Variants in PIK3C3 observed in about 807,000 individuals in gnomAD.
PIK3C3 encodes PI3-kinase type 3.
A neutral mutation model predicts 126.1 loss-of-function variants in PIK3C3; 95 were observed. That is an observed-to-expected ratio of 0.75 (90% CI 0.64 to 0.89). The LOEUF (loss-of-function observed/expected upper bound fraction) is 0.89. Ranked by LOEUF, PIK3C3 falls within the 40% of genes least tolerant of loss-of-function variation. The pLI is 0.00. For synonymous variants in PIK3C3, 374 were observed against 360.0 expected (o/e 1.04, Z -0.44); for missense variants, 829 against 1,063.2 (o/e 0.78, Z 3.06).
At chr18:41,968,722 C>A (rs1568113841) in intron 3 of PIK3C3, among the ~76,000 whole-genome samples, 1 of 152,040 alleles carries the variant, frequency 6.6e-6, no homozygotes, top group Middle Eastern at 3.4e-3. Context: ...TTAGGAAAAT[C>A]TATGAAGAAA....
At position 42,029,430 on chromosome 18, in the gene PIK3C3, C is replaced by T. The variant is rs1360571803; in HGVS notation, c.1696C>T (p.Arg566Cys). 2.5e-6 allele frequency: 4 copies of T among 1,595,624 alleles called. No individual in the cohort carries two copies. Among genetic ancestry groups the T allele is most frequent in the Non-Finnish European group, 3.4e-6 (4 of 1,165,190 alleles). The change falls in exon 15 of 25, where the codon CGT becomes TGT. Residue 566 changes from arginine to cysteine, a missense_variant. By Grantham distance (180) the Arg-to-Cys change is radical. Coordinates refer to ENST00000262039, the MANE Select transcript of PIK3C3 (RefSeq NM_002647.4). The part of the protein sequence containing the change: ...MKAVQRESGN[R>C]KKKNERLQAL... Reference sequence around the variant, plus strand: ...GGCAGTACAACGCGAAAGTGGAAATCGTAAGAAAAAGGTAAGCCTATGGTG... The same window carrying T: ...GGCAGTACAACGCGAAAGTGGAAATTGTAAGAAAAAGGTAAGCCTATGGTG...
At chr18:42,009,183 C>G (rs1982687057) in intron 10 of PIK3C3, among the ~76,000 whole-genome samples, 1 of 152,052 alleles carries the variant, frequency 6.6e-6, no homozygotes, top group Non-Finnish European at 1.5e-5. Context: ...AATAGAAAAT[C>G]AGATGTTTAT....
At chr18:42,060,337 C>T (rs1017925106) in intron 22 of PIK3C3, among the ~76,000 whole-genome samples, 5 of 152,158 alleles carry the variant, frequency 3.3e-5, no homozygotes, top group African/African-American at 1.2e-4. Flanking sequence ...TTACAAAATA[C>T]ATTATCATCT....
chr18:41,985,804 C>T (rs1025644260), intron 4 of PIK3C3, among the ~76,000 whole-genome samples: 3 of 152,046 alleles, frequency 2.0e-5, no homozygotes, highest in Admixed American at 1.3e-4. Flanking sequence ...GAAAGCTAAT[C>T]ATATGCTATA....
intron 16 of PIK3C3, among the ~76,000 whole-genome samples, 169 bp from the exon 17 acceptor site, chr18:42,037,523 C>A (rs1005039458): frequency 6.6e-6 from 1 of 152,202 alleles, no homozygotes; most frequent in African/African-American, 2.4e-5. Flanking sequence ...CTAGCTAGTT[C>A]ACTGTTCTTT....
intron 24 of PIK3C3, among the ~76,000 whole-genome samples, chr18:42,073,648 A>G (rs1441086973): frequency 1.3e-5 from 2 of 152,080 alleles, no homozygotes; most frequent in African/African-American, 2.4e-5. Flanking sequence ...GCTGAGGGAA[A>G]AGCTTCTGAT....
At chr18:42,058,893 A>T (rs8084652) in intron 22 of PIK3C3, among the ~76,000 whole-genome samples, 65 of 152,376 alleles carry the variant, frequency 4.3e-4, no homozygotes, top group African/African-American at 1.5e-3. Flanking sequence ...CCAGTCCAGG[A>T]AACATACATA....
At chr18:42,008,957 T>A (rs1982675957) in intron 10 of PIK3C3, among the ~76,000 whole-genome samples, 1 of 152,134 alleles carries the variant, frequency 6.6e-6, no homozygotes, top group African/African-American at 2.4e-5. Context: ...TGTTATATGG[T>A]TAACTCTTTT....
chr18:42,055,386 A>G (rs1035791206), intron 21 of PIK3C3, among the ~76,000 whole-genome samples: 1 of 152,152 alleles, frequency 6.6e-6, no homozygotes, highest in Non-Finnish European at 1.5e-5. Flanking sequence ...GGTTTAAGTA[A>G]TAAGTATTGG....
chr18:41,991,034 A>G (rs975959389), intron 6 of PIK3C3, among the ~76,000 whole-genome samples: 1 of 152,150 alleles, frequency 6.6e-6, no homozygotes, highest in African/African-American at 2.4e-5. Flanking sequence ...TAGATGCAAA[A>G]TTAAGACAAT....
At chr18:42,038,883 T>G in intron 18 of PIK3C3, 33 bp downstream of exon 18, 1 of 1,311,302 alleles carries the variant, frequency 7.6e-7, no homozygotes, top group Non-Finnish European at 1.1e-6. Context: ...TTATTTACTT[T>G]AGTGTACATT....
intron 22 of PIK3C3, among the ~76,000 whole-genome samples, chr18:42,062,253 T>A (rs1338846859): frequency 6.6e-6 from 1 of 151,698 alleles, no homozygotes; most frequent in African/African-American, 2.4e-5. Flanking sequence ...TTTTTTTTTT[T>A]TATAATATGT....
At chr18:42,020,159 C>T (rs1983256878) in intron 12 of PIK3C3, among the ~76,000 whole-genome samples, 1 of 152,042 alleles carries the variant, frequency 6.6e-6, no homozygotes, top group South Asian at 2.1e-4. Flanking sequence ...AAATAAAATC[C>T]ATACTCAATA....
In PIK3C3 at chr18:42,033,949, C is replaced by T; in HGVS notation, c.1831C>T (p.Leu611=). 1 of 1,599,680 alleles carries T rather than the reference C, an allele frequency of 6.3e-7. No homozygotes were observed. Among genetic ancestry groups the T allele is most frequent in the South Asian group, 1.1e-5 (1 of 88,526 alleles). The change falls in exon 16 of 25, where the codon CTG becomes TTG. Residue 611 remains leucine (L), a synonymous_variant. Transcript: ENST00000262039. ...IRGIIPETAT[L]FKSALMPAQL... ...AGGAATAATTCCGGAAACAGCTACA[C>T]TGTTTAAAGTAATTGTGATGGATAT... is the stretch of plus-strand genomic sequence containing the variant.
In PIK3C3 at chr18:41,956,548, C is replaced by CTTT. The variant is rs57601171; in HGVS notation, c.69-1002_69-1000dup. Among the ~76,000 whole-genome samples, 186 of 100,206 alleles carry CTTT rather than the reference C, an allele frequency of 1.9e-3. 4 individuals carry two copies. The highest frequency in any genetic ancestry group is 4.9e-3 in the African/African-American group (118 of 23,952). 65.7% of individuals were successfully genotyped at this position (100,206 alleles called of 152,430 possible). Reference sequence around the variant, plus strand: ...AAGAAAAAGCCAAAAAAACCGGTCCCTTTTTTTTTTTTTTTTTTTTTTGGA... The same window carrying CTTT: ...AAGAAAAAGCCAAAAAAACCGGTCCCTTTTTTTTTTTTTTTTTTTTTTTTTGGA... On this transcript the variant is annotated intron_variant, in intron 1 of 24. Transcript: ENST00000262039.
intron 18 of PIK3C3, 137 bp downstream of exon 18, chr18:42,038,987 T>C (rs1000950058): frequency 4.1e-5 from 25 of 605,728 alleles, no homozygotes; most frequent in Non-Finnish European, 7.1e-5. Flanking sequence ...CCTTCCTGCC[T>C]GCTTCCCTTC....
At chr18:42,001,789 A>G (rs1420440406) in intron 9 of PIK3C3, among the ~76,000 whole-genome samples, 3 of 152,174 alleles carry the variant, frequency 2.0e-5, no homozygotes, top group South Asian at 2.1e-4. Context: ...TTTGCTTATA[A>G]TAAGTACATA....
chr18:41,974,110 T>C (rs1476410253), intron 4 of PIK3C3, among the ~76,000 whole-genome samples: 1 of 152,208 alleles, frequency 6.6e-6, no homozygotes, highest in East Asian at 1.9e-4. Context: ...ATAGAACTAC[T>C]TCAGTCTTGA....
intron 12 of PIK3C3, 29 bp from the exon 13 acceptor site, chr18:42,020,608 TA>T (rs1273611777): frequency 7.0e-7 from 1 of 1,435,656 alleles, no homozygotes; most frequent in African/African-American, 1.4e-5. Flanking sequence ...TAGATGATAA[TA>T]TATAATACAT....
Sources: allele counts gnomAD v4.1 joint callset (sites outside exome capture counted in the v4.1 genomes callset), GRCh38; gene constraint gnomAD v4.1.1; transcripts MANE v1.5; gene names NCBI Gene and HGNC (gene_info 2026-07-23, HGNC 2026-07-21).